The following HCN3 variants were observed in gnomAD, a reference collection of about 807,000 sequenced individuals.
HCN3 encodes the protein potassium/sodium hyperpolarization-activated cyclic nucleotide-gated channel 3.
Under a neutral mutation model 56.8 loss-of-function variants are expected in HCN3, and 36 were observed. The observed-to-expected ratio is 0.63, with a 90% confidence interval of 0.49 to 0.84. The LOEUF (loss-of-function observed/expected upper bound fraction) is 0.84, where lower values mean the gene tolerates loss of function less well. Among genes scored for constraint, HCN3 ranks in the 40% least tolerant of loss-of-function variants. The pLI, the probability that HCN3 is intolerant of heterozygous loss-of-function variation, is 0.00. For missense variants in HCN3, 930 were observed against 1,079.3 expected, an observed-to-expected ratio of 0.86 and a Z score of 1.94; for synonymous variants, 425 against 439.7, an observed-to-expected ratio of 0.97 and a Z score of 0.42.
At chr1:155,279,028 C>T (rs1673918778) in intron 1 of HCN3, among the ~76,000 whole-genome samples, 1 of 152,194 alleles carries the variant, frequency 6.6e-6, no homozygotes. Context: ...TCTCACAATA[C>T]AGGATTCCTC....
chr1:155,284,359 C>CA lies in HCN3; in HGVS notation c.871-178dup, dbSNP rs1345169841. 2.5e-5 allele frequency: 21 copies of CA among 839,660 alleles called. No homozygotes were observed. The Admixed American group carries it at 5.8e-4, about 23-fold the overall frequency. The allele number at this position is 839,660 out of a possible 1,614,324, so 52.0% of individuals were successfully genotyped here. On this transcript the variant is annotated intron_variant, in intron 3 of 7. Transcript: ENST00000368358. The surrounding 1 kb of genome is among the most constrained non-coding windows in gnomAD (Gnocchi z 4.3). ...GTACCTACCCGGAAGCTGAGGCCCC[C>CA]AAGTTGCAATAGAGGACCCTTTTGC...
At chr1:155,280,089 AGC>A (rs1673962980) in intron 1 of HCN3, among the ~76,000 whole-genome samples, 1 of 150,862 alleles carries the variant, frequency 6.6e-6, no homozygotes, top group Non-Finnish European at 1.5e-5. Context: ...TGAGATTACA[AGC>A]GCATGCCACC....
At position 155,287,909 on chromosome 1, in the gene HCN3, A is replaced by C. The variant is rs1375348198; in HGVS notation, c.1771A>C (p.Ser591Arg). Residue 591 changes from serine (S) to arginine (R), a missense_variant, in exon 8 of 8, where the codon AGC becomes CGC. Ser to Arg is a moderately radical substitution (Grantham distance 110). Coordinates refer to ENST00000368358, the MANE Select transcript of HCN3 (RefSeq NM_020897.3). ...MARGVRGRAPSTGAQLSGKPV... is the reference protein window; with the variant it reads ...MARGVRGRAPRTGAQLSGKPV... ...TCGGGGTGTTCGGGGTCGGGCCCCG[A>C]GCACAGGAGCTCAGCTTAGTGGAAA... 1 of 1,613,802 alleles carries C rather than the reference A, an allele frequency of 6.2e-7. No homozygotes were observed. Among genetic ancestry groups the C allele is most frequent in the African/African-American group, 1.3e-5 (1 of 74,886 alleles).
intron 6 of HCN3, 113 bp downstream of exon 6, chr1:155,286,077 C>A: frequency 7.2e-7 from 1 of 1,388,994 alleles, no homozygotes; most frequent in Non-Finnish European, 9.7e-7. Flanking sequence ...GAGCTCCAGC[C>A]CCTCCCCAGG....
rs1674433224 is a variant in HCN3, at chr1:155,289,311, T to G, written c.*848T>G. 6.6e-6 allele frequency: 1 copy of G among 152,270 alleles called. No individual in the cohort carries two copies. The highest frequency in any genetic ancestry group is 1.5e-5 in the Non-Finnish European group (1 of 68,050). 9.4% of individuals were successfully genotyped at this position (152,270 alleles called of 1,614,324 possible). A position where few individuals can be genotyped will look rare whatever the true frequency, so the allele number is the denominator to read the frequency against. Reference sequence around the variant, plus strand: ...TTATTTATTCATTTATTTAATTGTATTTATTCATTTACTAACTTTATGTGT... The same window carrying G: ...TTATTTATTCATTTATTTAATTGTAGTTATTCATTTACTAACTTTATGTGT... On this transcript the variant is annotated 3_prime_UTR_variant, in exon 8 of 8. Coordinates refer to ENST00000368358, the MANE Select transcript of HCN3 (RefSeq NM_020897.3).
Position 155,284,630 on chromosome 1 carries a change from G to A in HCN3, c.962G>A (p.Gly321Asp), listed in dbSNP as rs770879988. ...CIGYGQQAPVGMPDVWLTMLS... is the reference protein window; with the variant it reads ...CIGYGQQAPVDMPDVWLTMLS... ...GGCTATGGGCAGCAGGCACCTGTAG[G>A]CATGCCCGACGTCTGGCTCACCATG... is the stretch of plus-strand genomic sequence containing the variant. Residue 321 changes from glycine (G) to aspartate (D), a missense_variant, in exon 4 of 8, where the codon GGC becomes GAC. Gly to Asp is a moderately conservative substitution (Grantham distance 94, BLOSUM62 -1). Transcript: ENST00000368358. The surrounding 1 kb of genome is among the most constrained non-coding windows in gnomAD (Gnocchi z 4.3). The A allele has an allele frequency of 6.2e-7, 1 of 1,614,098 alleles. No homozygotes were observed. Among genetic ancestry groups the A allele is most frequent in the South Asian group, 1.1e-5 (1 of 91,076 alleles).
At chr1:155,286,499 C>T (rs1036951013) in intron 6 of HCN3, among the ~76,000 whole-genome samples, 1 of 152,142 alleles carries the variant, frequency 6.6e-6, no homozygotes. Flanking sequence ...AGCCAGGTTG[C>T]AAACTACTGG....
At chr1:155,283,656 C>T (rs1173668080) in intron 2 of HCN3, among the ~76,000 whole-genome samples, 3 of 150,342 alleles carry the variant, frequency 2.0e-5, no homozygotes, top group South Asian at 2.1e-4. Flanking sequence ...GAAATGCCCT[C>T]TCTCTTTTCT....
Position 155,287,199 on chromosome 1 carries a change from CG to C in HCN3, c.1505del (p.Arg502ProfsTer30). 1 of 1,613,698 alleles carries C rather than the reference CG, an allele frequency of 6.2e-7. No homozygotes were observed. Among genetic ancestry groups the C allele is most frequent in the Non-Finnish European group, 8.5e-7 (1 of 1,179,948 alleles). ...GEICLLTRGR[R>X]TASVRADTYC... ...GATCTGCCTGCTAACTAGGGGCCGGCGCACAGCCAGTGTTCGGGCTGACACC... is the reference window on the plus strand; with the variant it reads ...GATCTGCCTGCTAACTAGGGGCCGGCCACAGCCAGTGTTCGGGCTGACACC... On this transcript the variant is annotated frameshift_variant, in exon 7 of 8. Transcript: ENST00000368358. LOFTEE classifies it high-confidence loss of function.
At position 155,284,419 on chromosome 1, in the gene HCN3, C is replaced by A; in HGVS notation, c.871-120C>A. The A allele has an allele frequency of 1.7e-6, 2 of 1,154,466 alleles. No homozygotes were observed. Among genetic ancestry groups the A allele is most frequent in the Middle Eastern group, 3.0e-4 (1 of 3,364 alleles). 71.5% of individuals were successfully genotyped at this position (1,154,466 alleles called of 1,614,324 possible). A position where few individuals can be genotyped will look rare whatever the true frequency, so the allele number is the denominator to read the frequency against. On this transcript the variant is annotated intron_variant, in intron 3 of 7. Coordinates refer to ENST00000368358, the MANE Select transcript of HCN3 (RefSeq NM_020897.3). The surrounding 1 kb of genome is among the most constrained non-coding windows in gnomAD (Gnocchi z 4.3). ...CCCCAGAACCAAACTTAAGTGCCTG[C>A]CAGGAGGAAGGCCTGCAGTAGAAGG...
chr1:155,284,072 G>C lies in HCN3; in HGVS notation c.807G>C (p.Gln269His). The C allele has an allele frequency of 6.2e-7, 1 of 1,614,198 alleles. No homozygotes were observed. Among genetic ancestry groups the C allele is most frequent in the Non-Finnish European group, 8.5e-7 (1 of 1,180,032 alleles). Residue 269 changes from glutamine to histidine, a missense_variant, in exon 3 of 8, where the codon CAG (glutamine) becomes CAC (histidine). Gln to His is a conservative substitution (Grantham distance 24, BLOSUM62 0). Coordinates refer to ENST00000368358, the MANE Select transcript of HCN3 (RefSeq NM_020897.3). The surrounding 1 kb of genome is among the most constrained non-coding windows in gnomAD (Gnocchi z 4.3). ...LLLCHWDGCL[Q>H]FLVPMLQDFP... Reference sequence around the variant, plus strand: ...TATGTCACTGGGATGGCTGTCTGCAGTTCCTGGTGCCCATGCTGCAGGACT... The same window carrying C: ...TATGTCACTGGGATGGCTGTCTGCACTTCCTGGTGCCCATGCTGCAGGACT...
At chr1:155,280,181 G>A (rs570756904) in intron 1 of HCN3, among the ~76,000 whole-genome samples, 117 of 151,978 alleles carry the variant, frequency 7.7e-4, no homozygotes, top group Middle Eastern at 3.4e-3. Flanking sequence ...ACTTGACCTC[G>A]TGATCCACCC....
At position 155,282,429 on chromosome 1, in the gene HCN3, C is replaced by T; in HGVS notation, c.297C>T (p.Ile99=). ...ACCTTAGGTTTTACTGGGACCTGATCATGCTGCTGCTGATGGTGGGGAACC... is the reference window on the plus strand; with the variant it reads ...ACCTTAGGTTTTACTGGGACCTGATTATGCTGCTGCTGATGGTGGGGAACC... ...YSDFRFYWDL[I]MLLLMVGNLI... Residue 99 remains isoleucine, a synonymous_variant, in exon 2 of 8, where the codon ATC becomes ATT. Coordinates refer to ENST00000368358, the MANE Select transcript of HCN3 (RefSeq NM_020897.3). The surrounding 1 kb of genome is among the most constrained non-coding windows in gnomAD (Gnocchi z 4.7). 1 of 1,614,218 alleles carries T rather than the reference C, an allele frequency of 6.2e-7. No homozygotes were observed.
chr1:155,281,252 G>A (rs902343085), intron 1 of HCN3, among the ~76,000 whole-genome samples: 9 of 150,542 alleles, frequency 6.0e-5, no homozygotes, highest in African/African-American at 1.2e-4. Context: ...TATATTTTTC[G>A]TACAGACGGG....
At position 155,288,965 on chromosome 1, in the gene HCN3, C is replaced by T. The variant is rs3814318; in HGVS notation, c.*502C>T. 0.35 allele frequency: 54,706 copies of T among 157,168 alleles called. 10,619 individuals are homozygous for T. The highest frequency in any genetic ancestry group is 0.69 in the East Asian group (3,670 of 5,322). 9.7% of individuals were successfully genotyped at this position (157,168 alleles called of 1,614,324 possible). On this transcript the variant is annotated 3_prime_UTR_variant, in exon 8 of 8. Transcript: ENST00000368358. The surrounding 1 kb of genome is among the most constrained non-coding windows in gnomAD (Gnocchi z 6.5). ...TAGCATAGCCAGGCACTGCCAGTCA[C>T]CTGTGCCCCCATTGCTGTCAGCAGA...
Position 155,284,145 on chromosome 1 carries a change from C to A in HCN3, c.870+10C>A. 5 of 1,612,430 alleles carry A rather than the reference C, an allele frequency of 3.1e-6. No individual in the cohort carries two copies. The highest frequency in any genetic ancestry group is 4.2e-6 in the Non-Finnish European group (5 of 1,178,610). ...CATCAACCACATGGTGGTGAGAAGT[C>A]CCCACAGCTCTGCCTTTCCTGGGCC... is the stretch of plus-strand genomic sequence containing the variant. On this transcript the variant is annotated intron_variant, in intron 3 of 7. Transcript: ENST00000368358. This position sits in a 1 kb window ranked among gnomAD's most constrained non-coding sequence, Gnocchi z 4.3.
rs1001219174 is a variant in HCN3 at position 155,284,929 on chromosome 1, C to T, written c.1089+172C>T. ...ACCTTTTCCTTGTTTGAACCTATGC[C>T]TGTGCTTGGCCCCTCTGCTGTCCAC... On this transcript the variant is annotated intron_variant, in intron 4 of 7. Coordinates refer to ENST00000368358, the MANE Select transcript of HCN3 (RefSeq NM_020897.3). The surrounding 1 kb of genome is among the most constrained non-coding windows in gnomAD (Gnocchi z 4.3). Among the ~76,000 whole-genome samples the T allele has an allele frequency of 1.3e-5, 2 of 152,210 alleles. No homozygotes were observed. The highest frequency in any genetic ancestry group is 2.4e-5 in the African/African-American group (1 of 41,436).
chr1:155,288,826 CT>C lies in HCN3; in HGVS notation c.*366del. On this transcript the variant is annotated 3_prime_UTR_variant, in exon 8 of 8. Coordinates refer to ENST00000368358, the MANE Select transcript of HCN3 (RefSeq NM_020897.3). This position sits in a 1 kb window ranked among gnomAD's most constrained non-coding sequence, Gnocchi z 6.5. ...TGCAGGCCCAGGCCCATGACCCCAC[CT>C]TTACTAAGCACAAGTACTTGCCACT... 4.0e-6 allele frequency: 1 copy of C among 248,250 alleles called. No homozygotes were observed. 15.4% of individuals were successfully genotyped at this position (248,250 alleles called of 1,614,324 possible).
Position 155,287,301 on chromosome 1 carries a change from T to C in HCN3, c.1606T>C (p.Phe536Leu). The change falls in exon 7 of 8, where the codon TTT (phenylalanine) becomes CTT (leucine). Residue 536 changes from phenylalanine to leucine, a missense_variant. Coordinates refer to ENST00000368358, the MANE Select transcript of HCN3 (RefSeq NM_020897.3). ...LEEFPMMRRA[F>L]ETVAMDRLLR... The stretch of plus-strand genomic sequence containing the variant: ...GGAGTTCCCCATGATGCGCCGGGCC[T>C]TTGAGACTGTGGCCATGGATCGGCT... 1 of 1,613,996 alleles carries C rather than the reference T, an allele frequency of 6.2e-7. No individual in the cohort carries two copies. The highest frequency in any genetic ancestry group is 1.1e-5 in the South Asian group (1 of 91,078).
Sources: gnomAD v4.1 joint callset for allele counts (sites outside exome capture counted in the v4.1 genomes callset) on GRCh38, gnomAD v4.1.1 for gene constraint, Gnocchi (gnomAD v3.1) non-coding constraint, MANE v1.5 for transcripts, NCBI Gene and HGNC (gene_info 2026-07-23, HGNC 2026-07-21) for gene names.